DUSP22: variants seen among roughly 807,000 people sequenced by gnomAD.
DUSP22 encodes the protein dual specificity phosphatase 22, also known as dual specificity protein phosphatase 22.
In DUSP22, 24 loss-of-function variants were observed where a neutral mutation model predicts 24.5. The ratio of observed to expected loss-of-function variants is 0.98; its 90% confidence interval spans 0.71 to 1.38. The LOEUF (loss-of-function observed/expected upper bound fraction) is 1.38, where lower values mean the gene tolerates loss of function less well. Ranked by LOEUF, DUSP22 falls within the 40% of genes most tolerant of loss-of-function variation. DUSP22 has a pLI of 0.00. For synonymous variants in DUSP22, 160 were observed against 106.4 expected, an observed-to-expected ratio of 1.50 and a Z score of -3.10; for missense variants, 330 against 269.2, an observed-to-expected ratio of 1.23 and a Z score of -1.58.
At chr6:323,380 C>T (rs1226281623) in intron 3 of DUSP22, among the ~76,000 whole-genome samples, 9 of 152,418 alleles carry the variant, frequency 5.9e-5, no homozygotes, top group East Asian at 1.9e-4. Flanking sequence ...GCAGGGGCAT[C>T]GCCAGCTAGC....
In DUSP22 at chr6:350,832, A is replaced by T; in HGVS notation, c.*1881A>T. 6.2e-7 allele frequency: 1 copy of T among 1,614,278 alleles called. No individual in the cohort carries two copies. Among genetic ancestry groups the T allele is most frequent in the Non-Finnish European group, 8.5e-7 (1 of 1,180,032 alleles). ...GTTCTTTCTTCACAGCCGCTCCGGGAATTCTGAAGTTCTGGGCCTTTCTCA... is the reference window on the plus strand; with the variant it reads ...GTTCTTTCTTCACAGCCGCTCCGGGTATTCTGAAGTTCTGGGCCTTTCTCA... On this transcript the variant is annotated 3_prime_UTR_variant, in exon 7 of 7. Coordinates refer to ENST00000419235, the MANE Select transcript of DUSP22 (RefSeq NM_001286555.3).
intron 2 of DUSP22, among the ~76,000 whole-genome samples, chr6:311,663 G>A (rs1490281918): frequency 6.6e-6 from 1 of 151,356 alleles, no homozygotes; most frequent in Non-Finnish European, 1.5e-5. Context: ...CTGGGCGACA[G>A]AGTGAGACTC....
intron 2 of DUSP22, among the ~76,000 whole-genome samples, chr6:304,907 C>T (rs1386144029): frequency 6.6e-6 from 1 of 152,306 alleles, no homozygotes; most frequent in Non-Finnish European, 1.5e-5. Context: ...CTCTATGAAT[C>T]TCACAACTAT....
At chr6:342,377 C>T (rs1237156870) in intron 4 of DUSP22, among the ~76,000 whole-genome samples, 7 of 152,292 alleles carry the variant, frequency 4.6e-5, no homozygotes, top group Admixed American at 2.0e-4. Context: ...GCCACAGCAG[C>T]GTGAGCAGCC....
intron 3 of DUSP22, among the ~76,000 whole-genome samples, chr6:322,855 T>G (rs1758675139): frequency 1.4e-5 from 2 of 147,126 alleles, no homozygotes; most frequent in African/African-American, 2.5e-5. Flanking sequence ...CCTTCGAGTC[T>G]GCAATAGGAA....
At chr6:307,279 CTCCCTTCTCT>C (rs1156651458) in intron 2 of DUSP22, among the ~76,000 whole-genome samples, 2 of 152,416 alleles carry the variant, frequency 1.3e-5, no homozygotes, top group South Asian at 2.1e-4. Context: ...CCTTCCTCCC[CTCCCTTCTCT>C]TCCCCTTCCC....
chr6:312,618 A>G (rs1464876595), intron 3 of DUSP22, among the ~76,000 whole-genome samples: 1 of 152,300 alleles, frequency 6.6e-6, no homozygotes, highest in Non-Finnish European at 1.5e-5. Context: ...TTTAGAAAAT[A>G]ATGCTGTGTG....
At chr6:330,634 A>AACAAAGT (rs1203502336) in intron 3 of DUSP22, among the ~76,000 whole-genome samples, 1 of 152,300 alleles carries the variant, frequency 6.6e-6, no homozygotes, top group African/African-American at 2.4e-5. Context: ...GGTGGTTACT[A>AACAAAGT]TACTTGTTGA....
intron 4 of DUSP22, among the ~76,000 whole-genome samples, chr6:335,821 A>G (rs1759337010): frequency 6.6e-6 from 1 of 152,304 alleles, no homozygotes; most frequent in Admixed American, 6.5e-5. Flanking sequence ...ATGGGGCAGC[A>G]TGCTGGCTAA....
intron 3 of DUSP22, among the ~76,000 whole-genome samples, chr6:328,185 A>C (rs1455033133): frequency 3.9e-5 from 6 of 152,420 alleles, no homozygotes; most frequent in Admixed American, 3.9e-4. Flanking sequence ...AATACCACGG[A>C]ATGCCTTGGT....
At chr6:302,364 A>T (rs1178789278) in intron 1 of DUSP22, among the ~76,000 whole-genome samples, 3 of 152,296 alleles carry the variant, frequency 2.0e-5, no homozygotes, top group African/African-American at 7.2e-5. Context: ...AGCTCCTTGC[A>T]CTAACGCCCG....
intron 6 of DUSP22, 23 bp downstream of exon 6, chr6:348,297 C>G: frequency 6.2e-7 from 1 of 1,613,656 alleles, no homozygotes; most frequent in African/African-American, 1.3e-5. Flanking sequence ...TAGGGGACAT[C>G]AGAGATGCAG....
intron 4 of DUSP22, among the ~76,000 whole-genome samples, 163 bp downstream of exon 4, chr6:335,326 G>A (rs1759314777): frequency 6.6e-6 from 1 of 152,308 alleles, no homozygotes; most frequent in Non-Finnish European, 1.5e-5. Context: ...CGCTAGGCAG[G>A]CTGGGATGAG....
At chr6:323,316 T>C (rs1581169046) in intron 3 of DUSP22, among the ~76,000 whole-genome samples, 1 of 152,420 alleles carries the variant, frequency 6.6e-6, no homozygotes, top group South Asian at 2.1e-4. Context: ...ATTTCCCTCC[T>C]TTCAGTTATC....
intron 3 of DUSP22, among the ~76,000 whole-genome samples, chr6:320,994 A>T (rs1274973602): frequency 6.6e-6 from 1 of 152,302 alleles, no homozygotes. Context: ...ATCCTTAAAA[A>T]TGCATACCAG....
rs368265261 is a variant in DUSP22 at position 335,142 on chromosome 6, C to T, written c.167C>T (p.Ala56Val). The T allele has an allele frequency of 5.9e-5, 95 of 1,613,628 alleles. No homozygotes were observed. The highest frequency in any genetic ancestry group is 7.7e-5 in the South Asian group (7 of 91,016). The change falls in exon 4 of 7, where the codon GCG becomes GTG. Residue 56 changes from alanine (A) to valine (V), a missense_variant. By Grantham distance (64) the Ala-to-Val change is moderately conservative. Coordinates refer to ENST00000419235, the MANE Select transcript of DUSP22 (RefSeq NM_001286555.3). Reference protein sequence around the residue: ...EGVKYLCIPAADSPSQNLTRH... With the variant: ...EGVKYLCIPAVDSPSQNLTRH... ...GTTAAATACCTGTGCATCCCAGCAG[C>T]GGATTCACCATCTCAAAACCTGTAA...
rs1009222316 is a variant in DUSP22, at chr6:349,636, A to G, written c.*685A>G. 2 of 987,140 alleles carry G rather than the reference A, an allele frequency of 2.0e-6. No individual in the cohort carries two copies. Among genetic ancestry groups the G allele is most frequent in the Non-Finnish European group, 2.4e-6 (2 of 831,376 alleles). 61.1% of individuals were successfully genotyped at this position (987,140 alleles called of 1,614,324 possible). A position where few individuals can be genotyped will look rare whatever the true frequency, so the allele number is the denominator to read the frequency against. ...TCTGGGGCCCTGGAAAACGTGAGAG[A>G]CTGCCCTGAGCTGGTCCAGTGGGCC... is the stretch of plus-strand genomic sequence containing the variant. On this transcript the variant is annotated 3_prime_UTR_variant, in exon 7 of 7. Coordinates refer to ENST00000419235, the MANE Select transcript of DUSP22 (RefSeq NM_001286555.3).
chr6:349,261 C>T lies in DUSP22; in HGVS notation c.*310C>T, dbSNP rs1760056636. The T allele has an allele frequency of 7.5e-7, 1 of 1,330,574 alleles. No individual in the cohort carries two copies. The highest frequency in any genetic ancestry group is 9.7e-7 in the Non-Finnish European group (1 of 1,036,054). 82.4% of individuals were successfully genotyped at this position (1,330,574 alleles called of 1,614,324 possible). ...TGACTAAGTGGATGCATGTGTGTGC[C>T]TGTGTGAGTGAGGGTATGTGCACCT... On this transcript the variant is annotated 3_prime_UTR_variant, in exon 7 of 7. Transcript: ENST00000419235.
chr6:298,525 C>T (rs950409651), intron 1 of DUSP22, among the ~76,000 whole-genome samples: 4 of 152,302 alleles, frequency 2.6e-5, no homozygotes, highest in African/African-American at 4.8e-5. Context: ...CAAAATATTT[C>T]CTGCCTTAGA....
Sources: gnomAD v4.1 joint callset for allele counts (sites outside exome capture counted in the v4.1 genomes callset) on GRCh38, gnomAD v4.1.1 for gene constraint, MANE v1.5 for transcripts, NCBI Gene and HGNC (gene_info 2026-07-23, HGNC 2026-07-21) for gene names.